The following DLG2 variants were observed in gnomAD, a reference collection of about 807,000 sequenced individuals.
The protein encoded by DLG2 is disks large homolog 2.
Under a neutral mutation model 132.5 loss-of-function variants are expected in DLG2, and 45 were observed. The observed-to-expected ratio is 0.34, with a 90% CI of 0.27 to 0.44. DLG2 has a LOEUF of 0.44. DLG2 is among the 20% of genes least tolerant of loss of function. The probability of loss-of-function intolerance (pLI) is 1.00; values close to 1 mark genes in which losing one functional copy is unlikely to be tolerated. For synonymous variants in DLG2, 424 were observed against 419.6 expected, an observed-to-expected ratio of 1.01 and a Z score of -0.13; for missense variants, 1,045 against 1,196.9, an observed-to-expected ratio of 0.87 and a Z score of 1.87.
chr11:84,955,250 C>T (rs181139085), intron 6 of DLG2: 135 of 152,196 alleles, frequency 8.9e-4, no homozygotes, highest in African/African-American at 3.2e-3. Flanking sequence ...TTATTCTGTA[C>T]CAGTCATTCT....
chr11:85,559,623 C>CA (rs1193678948), intron 3 of DLG2, among the ~76,000 whole-genome samples: 1 of 150,836 alleles, frequency 6.6e-6, no homozygotes, highest in Non-Finnish European at 1.5e-5. Flanking sequence ...AAAAAATTCT[C>CA]AAAAAAAGTA....
At chr11:83,997,039 C>T (rs2094068802) in intron 11 of DLG2, among the ~76,000 whole-genome samples, 1 of 151,844 alleles carries the variant, frequency 6.6e-6, no homozygotes, top group African/African-American at 2.4e-5. Flanking sequence ...GATATGCTTA[C>T]TTCGCGTGAC....
chr11:83,827,259 A>G (rs2053119132), intron 17 of DLG2, among the ~76,000 whole-genome samples: 1 of 152,158 alleles, frequency 6.6e-6, no homozygotes, highest in Non-Finnish European at 1.5e-5. Flanking sequence ...TGAGGTAACA[A>G]TATAAGGTGA....
At chr11:83,692,962 C>T (rs1840286807) in intron 18 of DLG2, 1 of 152,168 alleles carries the variant, frequency 6.6e-6, no homozygotes, top group Non-Finnish European at 1.5e-5. Flanking sequence ...TTCAGAGCTA[C>T]ATGTTGAAGA....
intron 9 of DLG2, among the ~76,000 whole-genome samples, chr11:84,106,868 TGAGAGAGA>T (rs71465962): frequency 1.5e-5 from 2 of 137,538 alleles, no homozygotes; most frequent in South Asian, 2.4e-4. Context: ...TGTGTATGTG[TGAGAGAGA>T]GAGAGAGAGA....
intron 17 of DLG2, among the ~76,000 whole-genome samples, chr11:83,789,264 G>T (rs56836954): frequency 6.6e-6 from 1 of 151,402 alleles, no homozygotes; most frequent in Admixed American, 6.6e-5. Context: ...TTTATCACAC[G>T]GGTATGTTTA....
intron 6 of DLG2, among the ~76,000 whole-genome samples, chr11:85,011,262 C>T (rs1388327722): frequency 6.6e-6 from 1 of 152,096 alleles, no homozygotes; most frequent in Non-Finnish European, 1.5e-5. Flanking sequence ...CTATTTAGTG[C>T]TTTTTCCATA....
intron 19 of DLG2, among the ~76,000 whole-genome samples, chr11:83,577,609 ATTAT>A (rs2096896962): frequency 8.4e-6 from 1 of 118,540 alleles, no homozygotes; most frequent in Non-Finnish European, 1.7e-5. Context: ...TAGGATATAT[ATTAT>A]AACATATATA....
In DLG2 at chr11:85,060,496, CATATGT is replaced by C. The variant is rs144230235; in HGVS notation, c.357+51159_357+51164del. Among the ~76,000 whole-genome samples the C allele has an allele frequency of 6.0e-5, 9 of 150,046 alleles. No individual in the cohort carries two copies. In the East Asian group the frequency reaches 9.8e-4, roughly 16 times the overall value. ...ATATATGTGTATATATATATACACG[CATATGT>C]ATATGTGTGTGTGTGTATACATGTA... On this transcript the variant is annotated intron_variant, in intron 6 of 27. Coordinates refer to ENST00000376104, the MANE Select transcript of DLG2 (RefSeq NM_001142699.3).
intron 6 of DLG2, among the ~76,000 whole-genome samples, chr11:85,088,793 A>C (rs1202889466): frequency 6.6e-6 from 1 of 152,214 alleles, no homozygotes; most frequent in Non-Finnish European, 1.5e-5. Flanking sequence ...TATTTTAAGC[A>C]CTAGAACCAC....
chr11:85,193,745 G>A (rs1256063483), intron 4 of DLG2, among the ~76,000 whole-genome samples: 1 of 152,084 alleles, frequency 6.6e-6, no homozygotes, highest in Non-Finnish European at 1.5e-5. Context: ...TTGTTGACTT[G>A]TAAGAGTTCT....
At chr11:83,771,837 T>C (rs931163878) in intron 18 of DLG2, among the ~76,000 whole-genome samples, 3 of 152,206 alleles carry the variant, frequency 2.0e-5, no homozygotes, top group Non-Finnish European at 4.4e-5. Context: ...GCGTTGACTA[T>C]TGCATAATGA....
chr11:84,491,970 T>C (rs1169069161), intron 7 of DLG2, among the ~76,000 whole-genome samples: 2 of 152,138 alleles, frequency 1.3e-5, no homozygotes, highest in African/African-American at 4.8e-5. Flanking sequence ...CATTGCATTG[T>C]AGAGATTGTT....
intron 4 of DLG2, among the ~76,000 whole-genome samples, chr11:85,259,589 G>A (rs1451808341): frequency 6.6e-6 from 1 of 151,720 alleles, no homozygotes; most frequent in African/African-American, 2.4e-5. Flanking sequence ...ACTTCTGCTT[G>A]TTTTGGGGTG....
chr11:83,663,194 T>G (rs2074754967), intron 18 of DLG2, among the ~76,000 whole-genome samples: 1 of 152,160 alleles, frequency 6.6e-6, no homozygotes, highest in Non-Finnish European at 1.5e-5. Flanking sequence ...TGCCTTACAG[T>G]TGTGGAATTG....
intron 6 of DLG2, among the ~76,000 whole-genome samples, chr11:85,028,265 G>A (rs990754117): frequency 1.3e-5 from 2 of 152,166 alleles, no homozygotes; most frequent in Non-Finnish European, 2.9e-5. Context: ...ATGGGCTTCA[G>A]ATGGGAGGAA....
At chr11:85,354,172 T>C (rs1002096255) in intron 3 of DLG2, among the ~76,000 whole-genome samples, 1 of 152,074 alleles carries the variant, frequency 6.6e-6, no homozygotes, top group African/African-American at 2.4e-5. Flanking sequence ...AAAAAAGTGA[T>C]TTCCAACTTT....
rs138961455 is a variant in DLG2 at position 84,421,916 on chromosome 11, C to A, written c.519+112654G>T. Among the ~76,000 whole-genome samples the A allele has an allele frequency of 4.4e-3, 664 of 152,294 alleles. 12 individuals are homozygous for A. The highest frequency in any genetic ancestry group is 0.015 in the African/African-American group (614 of 41,556). On this transcript the variant is annotated intron_variant, in intron 7 of 27. Transcript: ENST00000376104. ...TATGTTAAGTATTTTCGAGCATCAT[C>A]CCCTCTCCGAGGCCTCCTGTGGCTC...
chr11:85,028,604 T>C (rs2060745570), intron 6 of DLG2, among the ~76,000 whole-genome samples: 1 of 152,208 alleles, frequency 6.6e-6, no homozygotes, highest in Non-Finnish European at 1.5e-5. Flanking sequence ...CTGTCAGCCC[T>C]GCCGTAAGTG....
Sources: gnomAD v4.1 joint callset for allele counts (sites outside exome capture counted in the v4.1 genomes callset) on GRCh38, gnomAD v4.1.1 for gene constraint, MANE v1.5 for transcripts, NCBI Gene and HGNC (gene_info 2026-07-23, HGNC 2026-07-21) for gene names.